FHL2: variants seen among roughly 807,000 people sequenced by gnomAD.
FHL2 encodes four and a half LIM domains 2, also known as four and a half LIM domains protein 2.
A neutral mutation model predicts 32.7 loss-of-function variants in FHL2; 20 were observed. The ratio of observed to expected loss-of-function variants is 0.61; its 90% CI spans 0.43 to 0.89. The LOEUF is 0.89. Ranked by LOEUF, FHL2 falls within the 40% of genes least tolerant of loss-of-function variation. The pLI is 0.00. For missense variants in FHL2, 311 were observed against 358.6 expected (o/e 0.87, Z 1.07); for synonymous variants, 123 against 128.1 (o/e 0.96, Z 0.27).
At chr2:105,400,380 A>G (rs934672174), upstream of FHL2, among the ~76,000 whole-genome samples, 1 of 132,332 alleles carries the variant, frequency 7.6e-6, no homozygotes, top group Non-Finnish European at 1.6e-5. Flanking sequence ...CCCCGACCCC[A>G]CCCCACTGTG....
At chr2:105,381,496 C>G (rs1166997241) in intron 3 of FHL2, among the ~76,000 whole-genome samples, 1 of 152,064 alleles carries the variant, frequency 6.6e-6, no homozygotes, top group East Asian at 1.9e-4. Context: ...CGGGGTCCAG[C>G]CTCGGTGCAT....
Position 105,433,461 on chromosome 2 carries a change from C to T in FHL2, c.-25+4938G>A, listed in dbSNP as rs189970030. ...CCTCCCAAAGTGCTGGGATTACAGG[C>T]GTGAGCCACCGCGCCCGGCTTCATT... On this transcript the variant is annotated intron_variant, in intron 1 of 5. Coordinates refer to the FHL2 transcript ENST00000393352. Among the ~76,000 whole-genome samples the T allele has an allele frequency of 2.7e-3, 406 of 152,254 alleles. 4 individuals are homozygous for T. The highest frequency in any genetic ancestry group is 8.1e-3 in the Admixed American group (124 of 15,300).
chr2:105,381,816 C>T (rs1261596478), intron 3 of FHL2, among the ~76,000 whole-genome samples: 1 of 152,140 alleles, frequency 6.6e-6, no homozygotes, highest in Non-Finnish European at 1.5e-5. Flanking sequence ...ACCACCCCAA[C>T]AAATAAAAAA....
rs781427423 is a variant in FHL2 at position 105,373,655 on chromosome 2, G to C, written c.235C>G (p.Pro79Ala). Residue 79 changes from proline to alanine, a missense_variant, in exon 4 of 7, where the codon CCC becomes GCC. Transcript: ENST00000530340. Reference sequence around the variant, plus strand: ...AGCTGGTCCTCCTTGGCAGCAAAGGGCTTGTCCACCAGTGAGTTTCTGCAC... The same window carrying C: ...AGCTGGTCCTCCTTGGCAGCAAAGGCCTTGTCCACCAGTGAGTTTCTGCAC... The part of the protein sequence containing the change: ...SQCRNSLVDK[P>A]FAAKEDQLLC... 3.7e-6 allele frequency: 6 copies of C among 1,614,108 alleles called. No individual in the cohort carries two copies. The East Asian group carries it at 1.3e-4, about 36-fold the overall frequency.
chr2:105,426,625 G>A (rs1573407292), intron 1 of FHL2, among the ~76,000 whole-genome samples: 1 of 152,162 alleles, frequency 6.6e-6, no homozygotes, highest in South Asian at 2.1e-4. Flanking sequence ...ACAGGAAGAG[G>A]CTAGAAGCCC....
At chr2:105,395,243 C>T (rs540712153) in intron 2 of FHL2, among the ~76,000 whole-genome samples, 47 of 152,360 alleles carry the variant, frequency 3.1e-4, no homozygotes, top group Non-Finnish European at 4.6e-4. Context: ...TAGCTGCACA[C>T]GCTAGAATGG....
chr2:105,378,127 C>T, intron 3 of FHL2: 1 of 471,212 alleles, frequency 2.1e-6, no homozygotes, highest in Non-Finnish European at 4.4e-6. Flanking sequence ...CCTGCACAGA[C>T]ATGGAAAAGC....
chr2:105,414,701 C>A (rs1208265547), intron 1 of FHL2, among the ~76,000 whole-genome samples: 1 of 152,138 alleles, frequency 6.6e-6, no homozygotes, highest in Non-Finnish European at 1.5e-5. Context: ...TACAGGCACA[C>A]GCTACCATGT....
At chr2:105,394,164 G>A (rs1458034302) in intron 2 of FHL2, among the ~76,000 whole-genome samples, 2 of 152,052 alleles carry the variant, frequency 1.3e-5, no homozygotes, top group Non-Finnish European at 2.9e-5. Context: ...CACAAAAACC[G>A]CTCACCCCCA....
intron 1 of FHL2, among the ~76,000 whole-genome samples, chr2:105,426,744 C>T (rs950870970): frequency 1.1e-4 from 16 of 152,220 alleles, no homozygotes; most frequent in South Asian, 6.2e-4. Context: ...TGAGAACACA[C>T]GCACAGCAAC....
upstream of FHL2, among the ~76,000 whole-genome samples, chr2:105,402,108 C>CGTGTATATATACGT (rs1683489714): frequency 6.9e-6 from 1 of 143,938 alleles, no homozygotes; most frequent in African/African-American, 2.6e-5. Flanking sequence ...TATATATACA[C>CGTGTATATATACGT]GTATATATAC....
intron 1 of FHL2, among the ~76,000 whole-genome samples, chr2:105,406,134 C>T (rs1243192779): frequency 1.3e-5 from 2 of 152,178 alleles, no homozygotes; most frequent in Admixed American, 1.3e-4. Flanking sequence ...CCTGGAACAA[C>T]CAAGCATCTT....
intron 4 of FHL2, among the ~76,000 whole-genome samples, chr2:105,372,233 CT>C (rs10706417): frequency 0.71 from 107,101 of 151,030 alleles, 38,356 homozygotes; most frequent in African/African-American, 0.79. Context: ...ACATAACTTT[CT>C]TTTTTTTTTG....
At chr2:105,364,324 CTG>C (rs1680488788) in intron 5 of FHL2, among the ~76,000 whole-genome samples, 1 of 152,188 alleles carries the variant, frequency 6.6e-6, no homozygotes. Context: ...ACTCACGAGC[CTG>C]TCTCTCCAGC....
At chr2:105,402,525 G>A (rs111296192), upstream of FHL2, among the ~76,000 whole-genome samples, 9 of 152,052 alleles carry the variant, frequency 5.9e-5, no homozygotes, top group Non-Finnish European at 1.3e-4. Context: ...AATTACAGGC[G>A]TGGGCGACCA....
chr2:105,414,260 C>T (rs982229162), intron 1 of FHL2, among the ~76,000 whole-genome samples: 2 of 152,160 alleles, frequency 1.3e-5, no homozygotes, highest in Non-Finnish European at 2.9e-5. Context: ...TTCAACCATC[C>T]GGACACCCAT....
intron 1 of FHL2, among the ~76,000 whole-genome samples, chr2:105,407,024 C>G (rs886861154): frequency 2.0e-5 from 3 of 152,354 alleles, no homozygotes; most frequent in Admixed American, 6.5e-5. Flanking sequence ...GGGGCAAGAA[C>G]TGAGACATTT....
At chr2:105,412,091 A>G (rs954087362) in intron 1 of FHL2, among the ~76,000 whole-genome samples, 1 of 152,230 alleles carries the variant, frequency 6.6e-6, no homozygotes, top group African/African-American at 2.4e-5. Context: ...TATATATCTA[A>G]AAGAATTGAA....
At chr2:105,432,356 C>G (rs1469281034) in intron 1 of FHL2, among the ~76,000 whole-genome samples, 1 of 152,120 alleles carries the variant, frequency 6.6e-6, no homozygotes, top group Non-Finnish European at 1.5e-5. Flanking sequence ...TTTCTCTGAA[C>G]CTAACTGATT....
Sources: allele counts gnomAD v4.1 joint callset (sites outside exome capture counted in the v4.1 genomes callset), GRCh38; gene constraint gnomAD v4.1.1; transcripts MANE v1.5; gene names NCBI Gene and HGNC (gene_info 2026-07-23, HGNC 2026-07-21).